The following CFAP70 variants were observed in gnomAD, a reference collection of about 807,000 sequenced individuals.
The protein encoded by CFAP70 is cilia- and flagella-associated protein 70.
CFAP70 carries 81 observed loss-of-function variants against 137.6 expected under a neutral mutation model. That is an observed-to-expected ratio of 0.59 (90% confidence interval 0.49 to 0.71). The LOEUF is 0.71. Among genes scored for constraint, CFAP70 ranks in the 30% least tolerant of loss-of-function variants. The pLI, the probability that CFAP70 is intolerant of heterozygous loss-of-function variation, is 0.00. For synonymous variants in CFAP70, 382 were observed against 423.6 expected, an observed-to-expected ratio of 0.90 and a Z score of 1.20; for missense variants, 976 against 1,226.7, an observed-to-expected ratio of 0.80 and a Z score of 3.05.
intron 16 of CFAP70, 37 bp from the exon 18 acceptor site, chr10:73,292,051 T>C: frequency 1.2e-6 from 2 of 1,609,474 alleles, no homozygotes; most frequent in Non-Finnish European, 1.7e-6. Context: ...TGTGATACTA[T>C]GTCCTATTTT....
chr10:73,267,362 T>C (rs951004924), intron 25 of CFAP70, among the ~76,000 whole-genome samples: 1 of 152,238 alleles, frequency 6.6e-6, no homozygotes, highest in Non-Finnish European at 1.5e-5. Flanking sequence ...AAACTGGGCT[T>C]CTTCACAGCA....
chr10:73,329,937 G>A (rs1008590185), intron 8 of CFAP70, among the ~76,000 whole-genome samples: 5 of 152,146 alleles, frequency 3.3e-5, no homozygotes, highest in Non-Finnish European at 7.3e-5. Context: ...CTCCTGTCAT[G>A]TATTTACCAT....
chr10:73,278,950 C>T (rs999001451), intron 19 of CFAP70: 1 of 145,452 alleles, frequency 6.9e-6, no homozygotes, highest in Admixed American at 7.0e-5. Context: ...CACTGCACTC[C>T]AGCCTCGGCA....
chr10:73,312,506 C>T, exon 10 of CFAP70: 1 of 1,611,790 alleles, frequency 6.2e-7, no homozygotes, highest in Non-Finnish European at 8.5e-7. Context: ...CATCTATATC[C>T]TTTTCTTTCA....
intron 12 of CFAP70, among the ~76,000 whole-genome samples, chr10:73,301,900 T>G (rs2048983009): frequency 6.6e-6 from 1 of 152,234 alleles, no homozygotes; most frequent in Non-Finnish European, 1.5e-5. Flanking sequence ...CTGGATACTT[T>G]AAATGGGTGA....
intron 12 of CFAP70, 120 bp from the exon 14 acceptor site, chr10:73,299,785 C>T: frequency 1.4e-6 from 1 of 692,660 alleles, no homozygotes; most frequent in East Asian, 3.2e-5. Context: ...TCTGTTCCCC[C>T]ACTGCACTTG....
intron 3 of CFAP70, among the ~76,000 whole-genome samples, chr10:73,352,888 T>C (rs2054386112): frequency 6.6e-6 from 1 of 152,244 alleles, no homozygotes; most frequent in South Asian, 2.1e-4. Context: ...ATTTGTCCCA[T>C]GAATGATTCA....
At chr10:73,316,975 C>A (rs755871203) in intron 9 of CFAP70, among the ~76,000 whole-genome samples, 10 of 152,112 alleles carry the variant, frequency 6.6e-5, no homozygotes, top group Non-Finnish European at 1.2e-4. Flanking sequence ...TGTTTCCTAG[C>A]AACAAATTCT....
chr10:73,282,826 CTTTTTT>C (rs1203127459), intron 19 of CFAP70, among the ~76,000 whole-genome samples: 3 of 90,924 alleles, frequency 3.3e-5, no homozygotes, highest in African/African-American at 8.5e-5. Flanking sequence ...TTCCTGTTAT[CTTTTTT>C]TTTTTTTTTT....
At chr10:73,292,835 A>G (rs892268728) in intron 16 of CFAP70, among the ~76,000 whole-genome samples, 24 of 151,990 alleles carry the variant, frequency 1.6e-4, no homozygotes, top group African/African-American at 5.8e-4. Flanking sequence ...TCTATGGAGC[A>G]AAGTTATCCA....
In CFAP70 at chr10:73,315,698, G is replaced by T. The variant is rs959552772; in HGVS notation, c.913-3055C>A. Among the ~76,000 whole-genome samples the T allele has an allele frequency of 3.6e-4, 55 of 152,206 alleles. 1 individual carries two copies. Among genetic ancestry groups the T allele is most frequent in the Non-Finnish European group, 1.6e-4 (11 of 68,002 alleles). ...CCTACCTCAGCCTCCCAAGTGGTGG[G>T]ACCACAGGCATGCACAAACAACACA... On this transcript the variant is annotated intron_variant, in intron 9 of 26. Coordinates refer to ENST00000310715, the Ensembl canonical transcript of CFAP70.
rs115930701 is a variant in CFAP70 at position 73,274,949 on chromosome 10, C to A, written c.2674-355G>T. 1.6e-3 allele frequency: 299 copies of A among 189,488 alleles called. 2 individuals carry two copies. The highest frequency in any genetic ancestry group is 6.7e-3 in the African/African-American group (285 of 42,694). The allele number at this position is 189,488 out of a possible 1,614,324, so 11.7% of individuals were successfully genotyped here. ...CACTATCAGCTAAAGATATCCTTTT[C>A]TCTGCTCTTTGCAAAACTCATGATT... On this transcript the variant is annotated intron_variant, in intron 22 of 26. Coordinates refer to ENST00000310715, the Ensembl canonical transcript of CFAP70.
chr10:73,317,215 A>T (rs890669716), intron 9 of CFAP70, among the ~76,000 whole-genome samples: 13 of 152,248 alleles, frequency 8.5e-5, no homozygotes, highest in African/African-American at 2.9e-4. Flanking sequence ...ACAGGGTTGC[A>T]TCATGTTGGC....
At position 73,353,749 on chromosome 10, in the gene CFAP70, G is replaced by A. The variant is rs1442715112; in HGVS notation, c.64-7C>T. 1 of 1,612,248 alleles carries A rather than the reference G, an allele frequency of 6.2e-7. No individual in the cohort carries two copies. Among genetic ancestry groups the A allele is most frequent in the Non-Finnish European group, 8.5e-7 (1 of 1,179,230 alleles). ...TATCTCCTTTAAAACCTTTCTGTTG[G>A]CAGAAACACACCACTTTACAATTAT... On this transcript the variant is annotated splice_region_variant and splice_polypyrimidine_tract_variant and intron_variant, in intron 2 of 26. Transcript: ENST00000310715.
At chr10:73,295,625 C>T (rs1285823310) in intron 15 of CFAP70, 1 of 152,146 alleles carries the variant, frequency 6.6e-6, no homozygotes, top group Non-Finnish European at 1.5e-5. Context: ...TTCTTGAATT[C>T]CTAGGAGTAT....
rs1308703774 is a variant in CFAP70, at chr10:73,345,053, G to A, written c.399+12C>T. Reference sequence around the variant, plus strand: ...TTTGAATCTCTATAAATATCTGGCAGTAGGGCTTTACCTCTCCAAGTGATG... The same window carrying A: ...TTTGAATCTCTATAAATATCTGGCAATAGGGCTTTACCTCTCCAAGTGATG... On this transcript the variant is annotated intron_variant, in intron 5 of 26. Transcript: ENST00000310715. The A allele has an allele frequency of 6.2e-7, 1 of 1,612,558 alleles. No individual in the cohort carries two copies. Among genetic ancestry groups the A allele is most frequent in the Admixed American group, 1.7e-5 (1 of 59,990 alleles).
At position 73,274,606 on chromosome 10, in the gene CFAP70, A is replaced by G; in HGVS notation, c.2674-12T>C. ...CAGACATTGGGGTTCTGGGAAAGTGAAAAGCAAGTAGTATATGGGATAAGG... is the reference window on the plus strand; with the variant it reads ...CAGACATTGGGGTTCTGGGAAAGTGGAAAGCAAGTAGTATATGGGATAAGG... On this transcript the variant is annotated splice_polypyrimidine_tract_variant and intron_variant, in intron 22 of 26. Coordinates refer to ENST00000310715, the Ensembl canonical transcript of CFAP70. 1 of 1,610,706 alleles carries G rather than the reference A, an allele frequency of 6.2e-7. No individual in the cohort carries two copies. Among genetic ancestry groups the G allele is most frequent in the Non-Finnish European group, 8.5e-7 (1 of 1,178,738 alleles).
chr10:73,330,688 T>C (rs546601166), intron 8 of CFAP70, among the ~76,000 whole-genome samples: 22 of 152,122 alleles, frequency 1.4e-4, no homozygotes, highest in African/African-American at 5.3e-4. Context: ...GCTTACTACA[T>C]GACCCCTACT....
chr10:73,295,850 C>CT (rs2048511967), intron 15 of CFAP70: 1 of 152,184 alleles, frequency 6.6e-6, no homozygotes, highest in East Asian at 1.9e-4. Flanking sequence ...ATCCATATTT[C>CT]ATAGCTCCCC....
Sources: gnomAD v4.1 joint callset for allele counts (sites outside exome capture counted in the v4.1 genomes callset) on GRCh38, gnomAD v4.1.1 for gene constraint, MANE v1.5 for transcripts, NCBI Gene and HGNC (gene_info 2026-07-23, HGNC 2026-07-21) for gene names.